Variants in GPR39 observed in about 807,000 individuals in gnomAD.
GPR39 encodes the protein zinc sensing receptor.
A neutral mutation model predicts 18.4 loss-of-function variants in GPR39; 23 were observed. The ratio of observed to expected loss-of-function variants is 1.25; its 90% CI spans 0.90 to 1.77. The LOEUF (loss-of-function observed/expected upper bound fraction) is 1.77, where lower values mean the gene tolerates loss of function less well. Among genes scored for constraint, GPR39 ranks in the 40% most tolerant of loss-of-function variants. The probability of loss-of-function intolerance (pLI) is 0.00; values close to 1 mark genes in which losing one functional copy is unlikely to be tolerated. For synonymous variants in GPR39, 280 were observed against 257.9 expected, an observed-to-expected ratio of 1.09 and a Z score of -0.82; for missense variants, 647 against 602.4, an observed-to-expected ratio of 1.07 and a Z score of -0.78.
intron 1 of GPR39, among the ~76,000 whole-genome samples, chr2:132,631,077 G>A (rs559448186): frequency 6.0e-4 from 92 of 152,272 alleles, no homozygotes; most frequent in African/African-American, 2.1e-3. Context: ...GAGTGACGGA[G>A]GAGGTACCCC....
At chr2:132,621,608 A>G (rs1411031212) in intron 1 of GPR39, among the ~76,000 whole-genome samples, 2 of 152,106 alleles carry the variant, frequency 1.3e-5, no homozygotes, top group East Asian at 3.9e-4. Context: ...AACACTTGTC[A>G]AGTTGCCATT....
intron 1 of GPR39, among the ~76,000 whole-genome samples, chr2:132,472,501 C>G (rs919984631): frequency 1.3e-5 from 2 of 152,120 alleles, no homozygotes; most frequent in African/African-American, 2.4e-5. Flanking sequence ...GGCTATAGTT[C>G]AGCCACAGTC....
chr2:132,490,806 CT>C (rs1418088264), intron 1 of GPR39, among the ~76,000 whole-genome samples: 2 of 152,062 alleles, frequency 1.3e-5, no homozygotes, highest in Non-Finnish European at 2.9e-5. Flanking sequence ...CCAGGGACCC[CT>C]AATCCAGGCT....
At chr2:132,539,811 G>A (rs1679831861) in intron 1 of GPR39, among the ~76,000 whole-genome samples, 1 of 152,092 alleles carries the variant, frequency 6.6e-6, no homozygotes, top group Non-Finnish European at 1.5e-5. Context: ...CCTCTGAGGG[G>A]ATGCAGCAAG....
intron 1 of GPR39, among the ~76,000 whole-genome samples, chr2:132,598,432 T>TTA (rs1680984658): frequency 7.6e-5 from 3 of 39,710 alleles, no homozygotes; most frequent in East Asian, 8.5e-3. Context: ...TAAGGTGAAC[T>TTA]TTTTTTTTTT....
At chr2:132,547,077 G>A (rs1281495155) in intron 1 of GPR39, among the ~76,000 whole-genome samples, 2 of 152,078 alleles carry the variant, frequency 1.3e-5, no homozygotes, top group East Asian at 3.9e-4. Context: ...CACCGACAGA[G>A]GGTCAATGGG....
intron 1 of GPR39, among the ~76,000 whole-genome samples, chr2:132,540,245 C>G (rs952500962): frequency 1.4e-5 from 2 of 141,996 alleles, no homozygotes; most frequent in African/African-American, 5.5e-5. Context: ...CTAAGCCCTG[C>G]ACAAGCTTGA....
At chr2:132,503,793 G>C (rs896911231) in intron 1 of GPR39, among the ~76,000 whole-genome samples, 1 of 152,306 alleles carries the variant, frequency 6.6e-6, no homozygotes, top group East Asian at 1.9e-4. Flanking sequence ...GGGGATGGGG[G>C]TGTGGTTCCC....
Position 132,423,012 on chromosome 2 carries a change from C to T in GPR39, c.856+5114C>T, listed in dbSNP as rs867318550. On this transcript the variant is annotated intron_variant, in intron 1 of 1. Transcript: ENST00000329321. The stretch of plus-strand genomic sequence containing the variant: ...AAAAGCCATTTACGAGTTGAGACAG[C>T]GCCGTGGAAGAATATTGAATTGGGA... 2.6e-5 allele frequency among the ~76,000 whole-genome samples: 4 copies of T among 151,932 alleles called. No individual in the cohort carries two copies. In the South Asian group the frequency reaches 6.3e-4, roughly 24 times the overall value.
intron 1 of GPR39, among the ~76,000 whole-genome samples, chr2:132,581,983 C>T (rs1680631045): frequency 6.6e-6 from 1 of 152,104 alleles, no homozygotes; most frequent in East Asian, 1.9e-4. Flanking sequence ...GGCAGATGGC[C>T]CGGTGGTTGG....
intron 1 of GPR39, among the ~76,000 whole-genome samples, chr2:132,503,200 A>G (rs577319940): frequency 3.3e-5 from 5 of 152,264 alleles, no homozygotes; most frequent in South Asian, 2.1e-4. Context: ...TGGGTAGCCT[A>G]TATCAGAAGG....
At chr2:132,530,072 T>C (rs1437729520) in intron 1 of GPR39, among the ~76,000 whole-genome samples, 1 of 151,970 alleles carries the variant, frequency 6.6e-6, no homozygotes, top group African/African-American at 2.4e-5. Context: ...AGGAGGAAGT[T>C]CGAACCAATG....
intron 1 of GPR39, among the ~76,000 whole-genome samples, chr2:132,640,429 T>C (rs187330810): frequency 3.9e-5 from 6 of 152,348 alleles, no homozygotes; most frequent in Admixed American, 3.9e-4. Context: ...AAGTACTTTA[T>C]GTGGAAAACC....
intron 1 of GPR39, among the ~76,000 whole-genome samples, chr2:132,468,775 C>G (rs867795113): frequency 2.0e-5 from 3 of 151,992 alleles, no homozygotes; most frequent in Admixed American, 6.6e-5. Flanking sequence ...TGGTGCAGGT[C>G]GTTATGAAGG....
intron 1 of GPR39, among the ~76,000 whole-genome samples, chr2:132,535,017 G>T (rs904245312): frequency 1.3e-5 from 2 of 151,656 alleles, no homozygotes; most frequent in Non-Finnish European, 2.9e-5. Flanking sequence ...CATGTCATCT[G>T]CAAACGGAGA....
At chr2:132,587,961 G>A (rs1399800880) in intron 1 of GPR39, among the ~76,000 whole-genome samples, 1 of 152,184 alleles carries the variant, frequency 6.6e-6, no homozygotes, top group Non-Finnish European at 1.5e-5. Flanking sequence ...ATGAAAACCA[G>A]CTTTAAGGTT....
chr2:132,618,283 A>G (rs1394094646), intron 1 of GPR39, among the ~76,000 whole-genome samples: 1 of 152,240 alleles, frequency 6.6e-6, no homozygotes, highest in Non-Finnish European at 1.5e-5. Context: ...TCATCATTTC[A>G]GCCTGAGATC....
Position 132,645,739 on chromosome 2 carries a change from C to T in GPR39, c.*133C>T. The T allele has an allele frequency of 7.9e-7, 1 of 1,258,156 alleles. No individual in the cohort carries two copies. Among genetic ancestry groups the T allele is most frequent in the Non-Finnish European group, 1.1e-6 (1 of 924,272 alleles). 77.9% of individuals were successfully genotyped at this position (1,258,156 alleles called of 1,614,324 possible). On this transcript the variant is annotated 3_prime_UTR_variant, in exon 2 of 2. Transcript: ENST00000329321. ...CTGGAGGCTTTACAAAAGGCAGATGCCCACCTCAGTGACTTCTAAGGACTG... is the reference window on the plus strand; with the variant it reads ...CTGGAGGCTTTACAAAAGGCAGATGTCCACCTCAGTGACTTCTAAGGACTG...
chr2:132,621,400 G>A (rs1681438531), intron 1 of GPR39, among the ~76,000 whole-genome samples: 1 of 152,220 alleles, frequency 6.6e-6, no homozygotes, highest in South Asian at 2.1e-4. Flanking sequence ...AGAGCTGCCA[G>A]TGCCCAAGGT....
Sources: gnomAD v4.1 joint callset for allele counts (sites outside exome capture counted in the v4.1 genomes callset) on GRCh38, gnomAD v4.1.1 for gene constraint, MANE v1.5 for transcripts, NCBI Gene and HGNC (gene_info 2026-07-23, HGNC 2026-07-21) for gene names.